Variants in STK33 observed in about 807,000 individuals in gnomAD.
STK33 encodes serine/threonine-protein kinase 33.
A neutral mutation model predicts 58.0 loss-of-function variants in STK33; 52 were observed. The ratio of observed to expected loss-of-function variants is 0.90; its 90% CI spans 0.72 to 1.13. STK33 has a LOEUF of 1.13. Among genes scored for constraint, STK33 ranks in the 50% most tolerant of loss-of-function variants. The pLI is 0.00. For synonymous variants in STK33, 215 were observed against 200.1 expected (o/e 1.07, Z -0.63); for missense variants, 630 against 604.2 (o/e 1.04, Z -0.45).
intron 1 of STK33, among the ~76,000 whole-genome samples, chr11:8,487,421 CAA>C (rs35061686): frequency 0.046 from 4,723 of 102,584 alleles, 119 homozygotes; most frequent in African/African-American, 0.13. Flanking sequence ...GACCCAGTCT[CAA>C]AAAAAAAAAA....
At chr11:8,456,710 T>G (rs1946902707) in intron 9 of STK33, among the ~76,000 whole-genome samples, 2 of 152,156 alleles carry the variant, frequency 1.3e-5, no homozygotes, top group African/African-American at 4.8e-5. Flanking sequence ...GTAAGGCAAT[T>G]AGAATAATTT....
intron 1 of STK33, among the ~76,000 whole-genome samples, chr11:8,496,981 GAATA>G (rs1951109428): frequency 6.6e-6 from 1 of 152,002 alleles, no homozygotes; most frequent in African/African-American, 2.4e-5. Flanking sequence ...CTTCATGTAT[GAATA>G]GTTTTGCATA....
the STK33 span, among the ~76,000 whole-genome samples, chr11:8,338,090 T>G: frequency 6.6e-6 from 1 of 152,252 alleles, no homozygotes; most frequent in Non-Finnish European, 1.5e-5. Flanking sequence ...TTCTGCCCCT[T>G]TTGTTCACTA....
intron 1 of STK33, among the ~76,000 whole-genome samples, chr11:8,551,180 T>C (rs1471311164): frequency 6.6e-6 from 1 of 152,198 alleles, no homozygotes; most frequent in East Asian, 1.9e-4. Context: ...CCCAGGCTGA[T>C]GTGTAGTGGC....
At chr11:8,571,165 G>C (rs1957782431) in intron 1 of STK33, among the ~76,000 whole-genome samples, 2 of 152,180 alleles carry the variant, frequency 1.3e-5, no homozygotes. Flanking sequence ...TTGAGGGTAA[G>C]AGCTGCACAA....
In STK33 at chr11:8,547,451, TG is replaced by T. The variant is rs530094437; in HGVS notation, c.-466+46631del. Among the ~76,000 whole-genome samples the T allele has an allele frequency of 1.5e-3, 231 of 152,286 alleles. 2 individuals carry two copies. Among genetic ancestry groups the T allele is most frequent in the African/African-American group, 5.4e-3 (226 of 41,566 alleles). ...CTGGTCTCGAACTCCTGACCTCAGG[TG>T]ATCTGCCCGTCTCAGCCTCCCAAAG... On this transcript the variant is annotated intron_variant, in intron 1 of 15. Coordinates refer to ENST00000687296, the MANE Select transcript of STK33 (RefSeq NM_001352389.2).
chr11:8,427,421 C>A (rs1438273417), intron 14 of STK33, among the ~76,000 whole-genome samples: 1 of 152,012 alleles, frequency 6.6e-6, no homozygotes. Flanking sequence ...TTTAAAATTT[C>A]ATTACGTCTA....
intron 14 of STK33, among the ~76,000 whole-genome samples, chr11:8,414,932 G>A (rs889519802): frequency 4.6e-5 from 7 of 152,038 alleles, no homozygotes; most frequent in African/African-American, 1.7e-4. Flanking sequence ...TCCCAACTAT[G>A]TAGTCAACTC....
chr11:8,584,664 A>G (rs2031151594), intron 1 of STK33, among the ~76,000 whole-genome samples: 1 of 152,146 alleles, frequency 6.6e-6, no homozygotes, highest in South Asian at 2.1e-4. Context: ...CCCTTCTCCA[A>G]CAGCTCTCTC....
rs760910753 is a variant in STK33 at position 8,392,619 on chromosome 11, G to T, written c.1436C>A (p.Ala479Asp). ...SSFTSSKLLP[A>D]EIKGEMEKTP... The stretch of plus-strand genomic sequence containing the variant: ...TTTCTCCATTTCTCCCTTGATTTCA[G>T]CTGGAAGGAGTTTGCTAGATGTGAA... Residue 479 changes from alanine to aspartate, a missense_variant, in exon 16 of 16, where the codon GCT becomes GAT. Coordinates refer to ENST00000687296, the MANE Select transcript of STK33 (RefSeq NM_001352389.2). 2 of 1,614,222 alleles carry T rather than the reference G, an allele frequency of 1.2e-6. No individual in the cohort carries two copies. The highest frequency in any genetic ancestry group is 1.7e-6 in the Non-Finnish European group (2 of 1,180,052).
chr11:8,578,778 T>C, intron 1 of STK33, among the ~76,000 whole-genome samples: 1 of 151,844 alleles, frequency 6.6e-6, no homozygotes, highest in Non-Finnish European at 1.5e-5. Context: ...TAATTAAACT[T>C]TAAAAGAATA....
At chr11:8,495,504 T>G (rs1234081300) in intron 1 of STK33, among the ~76,000 whole-genome samples, 2 of 152,116 alleles carry the variant, frequency 1.3e-5, no homozygotes, top group African/African-American at 2.4e-5. Context: ...TTGGTGGGAG[T>G]GTAAACTAGT....
intron 1 of STK33, among the ~76,000 whole-genome samples, chr11:8,566,653 A>T (rs1043220016): frequency 2.6e-5 from 4 of 152,204 alleles, no homozygotes; most frequent in Non-Finnish European, 5.9e-5. Context: ...TACTATAAAG[A>T]TGACTTTTTA....
intron 15 of STK33, among the ~76,000 whole-genome samples, chr11:8,401,723 T>C: frequency 6.6e-6 from 1 of 152,218 alleles, no homozygotes; most frequent in Non-Finnish European, 1.5e-5. Flanking sequence ...TCTACTCATC[T>C]GACAAAGGGC....
At chr11:8,503,810 G>T (rs1485441275) in intron 1 of STK33, among the ~76,000 whole-genome samples, 1 of 151,964 alleles carries the variant, frequency 6.6e-6, no homozygotes, top group Non-Finnish European at 1.5e-5. Flanking sequence ...AGCCCACTAG[G>T]TCTCATTCTT....
chr11:8,371,162 T>C, the STK33 span, among the ~76,000 whole-genome samples: 108 of 152,146 alleles, frequency 7.1e-4, no homozygotes, highest in Non-Finnish European at 1.4e-3. Flanking sequence ...GAAAATGACC[T>C]TGTTTGGTAA....
At chr11:8,337,236 T>C in the STK33 span, among the ~76,000 whole-genome samples, 1 of 152,244 alleles carries the variant, frequency 6.6e-6, no homozygotes, top group African/African-American at 2.4e-5. Flanking sequence ...CTCTTCAGAC[T>C]GGGGAAAAGT....
At chr11:8,489,231 T>G in intron 1 of STK33, among the ~76,000 whole-genome samples, 1 of 127,398 alleles carries the variant, frequency 7.8e-6, no homozygotes, top group African/African-American at 3.0e-5. Context: ...CACTCCAGCT[T>G]GGGTGACAAA....
chr11:8,497,986 C>A (rs1241223393), intron 1 of STK33, among the ~76,000 whole-genome samples: 1 of 152,088 alleles, frequency 6.6e-6, no homozygotes, highest in Non-Finnish European at 1.5e-5. Context: ...CAACTGAATT[C>A]AGCAGCATAT....
Sources: gnomAD v4.1 joint callset for allele counts (sites outside exome capture counted in the v4.1 genomes callset) on GRCh38, gnomAD v4.1.1 for gene constraint, MANE v1.5 for transcripts, NCBI Gene and HGNC (gene_info 2026-07-23, HGNC 2026-07-21) for gene names.